Variants in SLC28A3 observed in about 807,000 individuals in gnomAD.
The protein encoded by SLC28A3 is concentrative Na(+)-nucleoside cotransporter 3.
A neutral mutation model predicts 84.2 loss-of-function variants in SLC28A3; 68 were observed. The observed-to-expected ratio is 0.81, with a 90% CI of 0.66 to 0.99. The LOEUF (loss-of-function observed/expected upper bound fraction) is 0.99. Ranked by LOEUF, SLC28A3 falls within the 50% of genes least tolerant of loss-of-function variation. The probability of loss-of-function intolerance (pLI) is 0.00; values close to 1 mark genes in which losing one functional copy is unlikely to be tolerated. For synonymous variants in SLC28A3, 267 were observed against 303.6 expected (o/e 0.88, Z 1.25); for missense variants, 712 against 841.5 (o/e 0.85, Z 1.90).
rs1253127810 is a variant in SLC28A3 at position 84,305,328 on chromosome 9, T to C, written c.260A>G (p.Tyr87Cys). 6.2e-7 allele frequency: 1 copy of C among 1,613,224 alleles called. No individual in the cohort carries two copies. The highest frequency in any genetic ancestry group is 2.2e-5 in the East Asian group (1 of 44,856). The change falls in exon 4 of 18, where the codon TAT becomes TGT. Residue 87 changes from tyrosine to cysteine, a missense_variant. Transcript: ENST00000376238. Reference sequence around the variant, plus strand: ...CCTACAGAAACCACATACTGTGTCATACCTCCTTTCCAAACACCTGCAACA... The same window carrying C: ...CCTACAGAAACCACATACTGTGTCACACCTCCTTTCCAAACACCTGCAACA... ...MQQKGCLERR[Y>C]DTVCGFCRKH... is the part of the protein sequence containing the mutation.
At chr9:84,284,132 A>G (rs1253084695) in intron 14 of SLC28A3, among the ~76,000 whole-genome samples, 1 of 152,170 alleles carries the variant, frequency 6.6e-6, no homozygotes, top group Non-Finnish European at 1.5e-5. Context: ...TAACAAAACG[A>G]TTCTCTCCTG....
chr9:84,320,890 G>A lies in SLC28A3; in HGVS notation c.61-7436C>T, dbSNP rs539726976. The stretch of plus-strand genomic sequence containing the variant: ...CTGAGGCAGGAGAATTGCTTGAACC[G>A]GGGAGGCAGAGGTTGCAGTGAGCTG... On this transcript the variant is annotated intron_variant, in intron 1 of 17. Transcript: ENST00000376238. Among the ~76,000 whole-genome samples, 11 of 151,546 alleles carry A rather than the reference G, an allele frequency of 7.3e-5. No individual in the cohort carries two copies. In the South Asian group the frequency reaches 1.9e-3, roughly 26 times the overall value.
intron 15 of SLC28A3, among the ~76,000 whole-genome samples, 173 bp downstream of exon 15, chr9:84,280,628 G>A (rs1175310943): frequency 6.6e-6 from 1 of 151,984 alleles, no homozygotes; most frequent in African/African-American, 2.4e-5. Flanking sequence ...GGTCAGTTTG[G>A]GTGTGCAAGG....
At chr9:84,361,330 C>T in the SLC28A3 span, among the ~76,000 whole-genome samples, 5 of 152,060 alleles carry the variant, frequency 3.3e-5, no homozygotes, top group Non-Finnish European at 5.9e-5. Context: ...GGTGACAGAG[C>T]GAGACTCCGT....
chr9:84,284,146 A>G (rs1260314163), intron 14 of SLC28A3, among the ~76,000 whole-genome samples: 1 of 152,202 alleles, frequency 6.6e-6, no homozygotes, highest in Non-Finnish European at 1.5e-5. Context: ...TCTCCTGGCA[A>G]CTGGCAATTG....
chr9:84,301,954 A>T (rs1825650131), intron 5 of SLC28A3, among the ~76,000 whole-genome samples: 1 of 152,226 alleles, frequency 6.6e-6, no homozygotes, highest in Non-Finnish European at 1.5e-5. Context: ...ACATTTTATC[A>T]TTTAATACAC....
At chr9:84,363,777 T>TGG in the SLC28A3 span, among the ~76,000 whole-genome samples, 11 of 152,002 alleles carry the variant, frequency 7.2e-5, no homozygotes, top group African/African-American at 2.2e-4. Context: ...TTTGTAGAGA[T>TGG]GGGGGTCTCA....
At position 84,292,734 on chromosome 9, in the gene SLC28A3, C is replaced by T. The variant is rs1825287574; in HGVS notation, c.957G>A (p.Met319Ile). 1 of 1,580,510 alleles carries T rather than the reference C, an allele frequency of 6.3e-7. No homozygotes were observed. The highest frequency in any genetic ancestry group is 8.6e-7 in the Non-Finnish European group (1 of 1,167,824). ...TAGGAGATGATCCCGTAGTAACTAGCATGATCCATCCAACCTAAAAGGAAG... is the reference window on the plus strand; with the variant it reads ...TAGGAGATGATCCCGTAGTAACTAGTATGATCCATCCAACCTAAAAGGAAG... ...QWIIRKVGWIMLVTTGSSPIE... is the reference protein window; with the variant it reads ...QWIIRKVGWIILVTTGSSPIE... The change falls in exon 10 of 18, where the codon ATG becomes ATA. Residue 319 changes from methionine (M) to isoleucine (I), a missense_variant. Physicochemically the swap from Met to Ile is conservative, Grantham distance 10. Transcript: ENST00000376238.
chr9:84,301,493 A>T (rs1825637100), intron 5 of SLC28A3, among the ~76,000 whole-genome samples: 1 of 152,142 alleles, frequency 6.6e-6, no homozygotes, highest in Non-Finnish European at 1.5e-5. Flanking sequence ...AGAATGATGA[A>T]TGAAAAAAAT....
At chr9:84,280,710 GT>G (rs1170999760) in intron 15 of SLC28A3, 90 bp downstream of exon 15, 48 of 1,303,220 alleles carry the variant, frequency 3.7e-5, no homozygotes, top group Non-Finnish European at 4.5e-5. Flanking sequence ...AAAGGCCTTT[GT>G]TTTTTCTGAC....
chr9:84,278,433 G>T, intron 17 of SLC28A3, 89 bp from the exon 18 acceptor site: 1 of 1,517,302 alleles, frequency 6.6e-7, no homozygotes, highest in Non-Finnish European at 8.9e-7. Flanking sequence ...ATAGTTCAGG[G>T]CAGGAAGCTG....
the SLC28A3 span, among the ~76,000 whole-genome samples, chr9:84,350,296 G>T: frequency 6.6e-6 from 1 of 152,068 alleles, no homozygotes; most frequent in Admixed American, 6.6e-5. Flanking sequence ...ACAAAAATTA[G>T]CCGGGTGTGG....
chr9:84,366,201 G>A, the SLC28A3 span, among the ~76,000 whole-genome samples: 1 of 152,090 alleles, frequency 6.6e-6, no homozygotes, highest in Admixed American at 6.6e-5. Context: ...TCTTCAATAT[G>A]CCAGTTGCAT....
the SLC28A3 span, among the ~76,000 whole-genome samples, chr9:84,347,300 A>G: frequency 6.6e-6 from 1 of 151,304 alleles, no homozygotes; most frequent in Non-Finnish European, 1.5e-5. Flanking sequence ...TGTTGTTTCC[A>G]TTTTATCCTC....
chr9:84,326,642 C>T (rs1027819034), intron 1 of SLC28A3, among the ~76,000 whole-genome samples: 327 of 18,842 alleles, frequency 0.017, 3 homozygotes, highest in African/African-American at 0.035. Context: ...AAAACAACAA[C>T]AACAACAACA....
At chr9:84,337,793 GA>G (rs906263323) in intron 1 of SLC28A3, among the ~76,000 whole-genome samples, 39 of 147,280 alleles carry the variant, frequency 2.6e-4, no homozygotes, top group Middle Eastern at 7.0e-3. Flanking sequence ...AATGAGATTA[GA>G]AAAAAAAAAC....
chr9:84,315,146 G>A (rs1211723619), intron 1 of SLC28A3, among the ~76,000 whole-genome samples: 1 of 152,138 alleles, frequency 6.6e-6, no homozygotes, highest in African/African-American at 2.4e-5. Flanking sequence ...ACAGAATGTT[G>A]CTAATTGCTG....
At chr9:84,340,455 C>G in intron 1 of SLC28A3, 119 bp downstream of exon 1, 1 of 1,048,536 alleles carries the variant, frequency 9.5e-7, no homozygotes, top group South Asian at 1.3e-5. Context: ...TAAAGTGTGC[C>G]GTTAAAAATC....
intron 1 of SLC28A3, among the ~76,000 whole-genome samples, chr9:84,335,575 A>C (rs1369690693): frequency 6.6e-6 from 1 of 152,138 alleles, no homozygotes; most frequent in Non-Finnish European, 1.5e-5. Flanking sequence ...ATAAATAAAC[A>C]AAGGGAATCA....
Sources: allele counts gnomAD v4.1 joint callset (sites outside exome capture counted in the v4.1 genomes callset), GRCh38; gene constraint gnomAD v4.1.1; transcripts MANE v1.5; gene names NCBI Gene and HGNC (gene_info 2026-07-23, HGNC 2026-07-21).